Variants in ACTL8 observed in about 807,000 individuals in gnomAD.
ACTL8 encodes actin like 8, also known as actin-like protein 8.
In ACTL8, 3 loss-of-function variants were observed where a neutral mutation model predicts 9.3. The observed-to-expected ratio is 0.32, with a 90% CI of 0.15 to 0.83. The LOEUF is 0.83. Ranked by LOEUF, ACTL8 falls within the 40% of genes least tolerant of loss-of-function variation. ACTL8 has a pLI of 0.57. For synonymous variants in ACTL8, 224 were observed against 205.9 expected (o/e 1.09, Z -0.75); for missense variants, 381 against 492.2 (o/e 0.77, Z 2.14).
intron 1 of ACTL8, among the ~76,000 whole-genome samples, chr1:17,779,278 AC>A (rs1244276920): frequency 6.6e-6 from 1 of 152,054 alleles, no homozygotes; most frequent in African/African-American, 2.4e-5. Flanking sequence ...GGGGCAAGCC[AC>A]CACAGAAGCC....
intron 2 of ACTL8, among the ~76,000 whole-genome samples, chr1:17,824,349 G>A (rs144809749): frequency 6.6e-4 from 100 of 152,294 alleles, no homozygotes; most frequent in African/African-American, 2.2e-3. Flanking sequence ...AAGAACATAT[G>A]CTCATTGCCT....
At chr1:17,776,885 G>A (rs2066121685) in intron 1 of ACTL8, among the ~76,000 whole-genome samples, 2 of 149,884 alleles carry the variant, frequency 1.3e-5, no homozygotes, top group African/African-American at 2.5e-5. Flanking sequence ...CTGCAGCCTC[G>A]ACCTCCTGGG....
intron 1 of ACTL8, among the ~76,000 whole-genome samples, chr1:17,812,419 T>A (rs2066398856): frequency 6.7e-6 from 1 of 149,414 alleles, no homozygotes; most frequent in African/African-American, 2.5e-5. Context: ...GCATATCTAT[T>A]TTTTTTCCTT....
At chr1:17,818,699 C>T (rs193162932) in intron 1 of ACTL8, among the ~76,000 whole-genome samples, 1 of 152,332 alleles carries the variant, frequency 6.6e-6, no homozygotes, top group Non-Finnish European at 1.5e-5. Context: ...AGAAGGAGGC[C>T]TTTGATGACT....
intron 1 of ACTL8, among the ~76,000 whole-genome samples, chr1:17,781,326 T>C (rs1179849717): frequency 6.6e-6 from 1 of 151,834 alleles, no homozygotes; most frequent in Non-Finnish European, 1.5e-5. Context: ...CTGCAACCTC[T>C]GCCTTCCAGG....
chr1:17,761,379 C>T (rs1191452666), intron 1 of ACTL8, among the ~76,000 whole-genome samples: 1 of 152,092 alleles, frequency 6.6e-6, no homozygotes, highest in Non-Finnish European at 1.5e-5. Context: ...TCCCTCCTAC[C>T]TCCGGGGACT....
At chr1:17,769,425 G>A (rs976990692) in intron 1 of ACTL8, among the ~76,000 whole-genome samples, 1 of 152,218 alleles carries the variant, frequency 6.6e-6, no homozygotes, top group African/African-American at 2.4e-5. Context: ...AGACACGTTT[G>A]TAGCTGGTAG....
intron 1 of ACTL8, among the ~76,000 whole-genome samples, chr1:17,779,001 C>G (rs1442190733): frequency 3.9e-5 from 6 of 152,166 alleles, no homozygotes; most frequent in African/African-American, 1.4e-4. Flanking sequence ...CTGTTTTTGC[C>G]TGGAGGTGGG....
At position 17,823,292 on chromosome 1, in the gene ACTL8, T is replaced by TC; in HGVS notation, c.290dup (p.Val98CysfsTer23). ...GAGAACCACAGACGGGAGCAAGAGG[T>TC]CCCCCCTGTGATCATCACGGAGACA... On this transcript the variant is annotated frameshift_variant, in exon 2 of 3. Transcript: ENST00000375406. LOFTEE classifies it high-confidence loss of function. The surrounding 1 kb of genome is among the most constrained non-coding windows in gnomAD (Gnocchi z 5.3). 1 of 1,613,218 alleles carries TC rather than the reference T, an allele frequency of 6.2e-7. No homozygotes were observed. Among genetic ancestry groups the TC allele is most frequent in the Non-Finnish European group, 8.5e-7 (1 of 1,179,828 alleles).
At position 17,826,330 on chromosome 1, in the gene ACTL8, T is replaced by C; in HGVS notation, c.912T>C (p.Tyr304=). The part of the protein sequence containing the change: ...HVMACGGNTL[Y]PGFTKRLFRE... ...TGGCCTGCGGGGGCAACACCCTCTA[T>C]CCCGGGTTCACAAAGCGCCTGTTCA... is the stretch of plus-strand genomic sequence containing the variant. The change falls in exon 3 of 3, where the codon TAT becomes TAC. Residue 304 remains tyrosine, a synonymous_variant. Coordinates refer to ENST00000375406, the MANE Select transcript of ACTL8 (RefSeq NM_030812.3). The surrounding 1 kb of genome is among the most constrained non-coding windows in gnomAD (Gnocchi z 4.5). 1 of 1,613,750 alleles carries C rather than the reference T, an allele frequency of 6.2e-7. No individual in the cohort carries two copies. The highest frequency in any genetic ancestry group is 8.5e-7 in the Non-Finnish European group (1 of 1,179,838).
intron 1 of ACTL8, among the ~76,000 whole-genome samples, chr1:17,763,284 CCT>C (rs78189420): frequency 0.049 from 7,455 of 152,092 alleles, 399 homozygotes; most frequent in East Asian, 0.28. Context: ...TTGATGCACC[CCT>C]GTGTTGGCCC....
At chr1:17,769,750 G>C (rs969053987) in intron 1 of ACTL8, among the ~76,000 whole-genome samples, 1 of 152,210 alleles carries the variant, frequency 6.6e-6, no homozygotes, top group African/African-American at 2.4e-5. Flanking sequence ...ACCCCAGCTC[G>C]GGGCCAACCA....
Position 17,826,673 on chromosome 1 carries a change from GT to G in ACTL8, c.*158del. Reference sequence around the variant, plus strand: ...ATGAGGGTATTTTTTAGGTTCTAAGGTTTTATCTTGTTGCAAGAGTGGGACC... The same window carrying G: ...ATGAGGGTATTTTTTAGGTTCTAAGGTTTATCTTGTTGCAAGAGTGGGACC... On this transcript the variant is annotated 3_prime_UTR_variant, in exon 3 of 3. Coordinates refer to ENST00000375406, the MANE Select transcript of ACTL8 (RefSeq NM_030812.3). The surrounding 1 kb of genome is among the most constrained non-coding windows in gnomAD (Gnocchi z 4.5). 2 of 735,666 alleles carry G rather than the reference GT, an allele frequency of 2.7e-6. No homozygotes were observed. Among genetic ancestry groups the G allele is most frequent in the African/African-American group, 1.8e-5 (1 of 57,116 alleles). The allele number at this position is 735,666 out of a possible 1,614,324, so 45.6% of individuals were successfully genotyped here.
intron 1 of ACTL8, among the ~76,000 whole-genome samples, chr1:17,803,206 C>G (rs183437614): frequency 2.6e-5 from 4 of 151,614 alleles, no homozygotes; most frequent in African/African-American, 4.8e-5. Flanking sequence ...TTCCCGCCCC[C>G]CCTTTTGCTC....
At chr1:17,818,499 G>C (rs947603463) in intron 1 of ACTL8, among the ~76,000 whole-genome samples, 1 of 152,198 alleles carries the variant, frequency 6.6e-6, no homozygotes, top group African/African-American at 2.4e-5. Flanking sequence ...GCCCTTCTCA[G>C]ATCTCCAGTA....
intron 1 of ACTL8, among the ~76,000 whole-genome samples, chr1:17,804,983 ACCT>A (rs1326656030): frequency 6.6e-6 from 1 of 151,624 alleles, no homozygotes; most frequent in Admixed American, 6.6e-5. Flanking sequence ...GACGGGACCC[ACCT>A]CCTCTCTGCT....
At chr1:17,770,950 G>C (rs111581773) in intron 1 of ACTL8, among the ~76,000 whole-genome samples, 3,357 of 152,258 alleles carry the variant, frequency 0.022, 57 homozygotes, top group Middle Eastern at 0.078. Context: ...TGGGGGCGCG[G>C]GTAATTTACT....
intron 1 of ACTL8, among the ~76,000 whole-genome samples, chr1:17,791,041 G>A (rs2066235371): frequency 6.6e-6 from 1 of 152,160 alleles, no homozygotes; most frequent in Non-Finnish European, 1.5e-5. Flanking sequence ...GGGGGAGGGG[G>A]CCTTCCTGGG....
At chr1:17,784,536 A>G (rs902144119) in intron 1 of ACTL8, among the ~76,000 whole-genome samples, 1 of 152,238 alleles carries the variant, frequency 6.6e-6, no homozygotes, top group Non-Finnish European at 1.5e-5. Flanking sequence ...CCACTTTCCC[A>G]GAAGTTGTTA....
Sources: allele counts gnomAD v4.1 joint callset (sites outside exome capture counted in the v4.1 genomes callset), GRCh38; gene constraint gnomAD v4.1.1; non-coding constraint Gnocchi (gnomAD v3.1); transcripts MANE v1.5; gene names NCBI Gene and HGNC (gene_info 2026-07-23, HGNC 2026-07-21).